AGAP9: variants seen among roughly 807,000 people sequenced by gnomAD.
The protein encoded by AGAP9 is arf-GAP with GTPase, ANK repeat and PH domain-containing protein 9.
AGAP9 carries 23 observed loss-of-function variants against 55.6 expected under a neutral mutation model. The observed-to-expected ratio is 0.41, with a 90% CI of 0.30 to 0.59. AGAP9 has a LOEUF of 0.59. AGAP9 is among the 20% of genes least tolerant of loss of function. The probability of loss-of-function intolerance (pLI) is 0.25; values close to 1 mark genes in which losing one functional copy is unlikely to be tolerated. For synonymous variants in AGAP9, 120 were observed against 305.0 expected, an observed-to-expected ratio of 0.39 and a Z score of 6.32; for missense variants, 309 against 808.1, an observed-to-expected ratio of 0.38 and a Z score of 7.49.
At position 47,523,291 on chromosome 10, in the gene AGAP9, A is replaced by G. The variant is rs1840887660; in HGVS notation, c.223+13T>C. 1 of 1,574,258 alleles carries G rather than the reference A, an allele frequency of 6.4e-7. No individual in the cohort carries two copies. Among genetic ancestry groups the G allele is most frequent in the African/African-American group, 1.4e-5 (1 of 71,076 alleles). ...GGCAAACCGAGGGTAGATGGCACCT[A>G]TCACCTCCTTACCTTCAGGCATCTC... On this transcript the variant is annotated intron_variant, in intron 1 of 7. Transcript: ENST00000452145.
chr10:47,503,937 C>CAAAAAAA (rs1186798630), intron 7 of AGAP9, among the ~76,000 whole-genome samples: 6 of 23,444 alleles, frequency 2.6e-4, no homozygotes, highest in Non-Finnish European at 2.7e-4. Context: ...GAGAGTCCAT[C>CAAAAAAA]AAAAAAAAAA....
At chr10:47,519,509 CCTCT>C (rs1398984286) in intron 3 of AGAP9, among the ~76,000 whole-genome samples, 1,491 of 116,090 alleles carry the variant, frequency 0.013, 33 homozygotes, top group Middle Eastern at 0.039. Context: ...TCCCCCTTCC[CCTCT>C]CTCTTTCACC....
rs1402363030 is a variant in AGAP9 at position 47,505,471 on chromosome 10, T to C, written c.534-1231A>G. Among the ~76,000 whole-genome samples, 2 of 138,410 alleles carry C rather than the reference T, an allele frequency of 1.4e-5. 1 individual carries two copies. Among genetic ancestry groups the C allele is most frequent in the Non-Finnish European group, 3.1e-5 (2 of 64,358 alleles). The allele number at this position is 138,410 out of a possible 152,430, so 90.8% of individuals were successfully genotyped here. A position where few individuals can be genotyped will look rare whatever the true frequency, so the allele number is the denominator to read the frequency against. On this transcript the variant is annotated intron_variant, in intron 6 of 7. Coordinates refer to ENST00000452145, the MANE Select transcript of AGAP9 (RefSeq NM_001190810.1). ...ACATGTCTCTAATATTCTGAATAAG[T>C]GGAAAGTTAATGAGAAGTGCTTTTT...
intron 2 of AGAP9, among the ~76,000 whole-genome samples, chr10:47,522,282 CTT>C (rs1449438081): frequency 6.9e-6 from 1 of 145,036 alleles, no homozygotes; most frequent in Non-Finnish European, 1.5e-5. Flanking sequence ...CCCCACCTCT[CTT>C]TTAGAACAAG....
Position 47,508,022 on chromosome 10 carries a change from G to A in AGAP9, c.498-439C>T, listed in dbSNP as rs1474775273. 2.3e-5 allele frequency among the ~76,000 whole-genome samples: 3 copies of A among 127,724 alleles called. No individual in the cohort carries two copies. In the Admixed American group the frequency reaches 2.5e-4, roughly 11 times the overall value. 83.8% of individuals were successfully genotyped at this position (127,724 alleles called of 152,430 possible). ...CGATTCTCACGCCTCAGCCTCCCAA[G>A]AAGCTGGGACTACAAGTTTGCGCCA... On this transcript the variant is annotated intron_variant, in intron 5 of 7. Coordinates refer to ENST00000452145, the MANE Select transcript of AGAP9 (RefSeq NM_001190810.1).
chr10:47,506,574 C>T (rs1261602658), intron 6 of AGAP9, among the ~76,000 whole-genome samples: 1 of 142,526 alleles, frequency 7.0e-6, no homozygotes, highest in African/African-American at 2.5e-5. Context: ...AAGTGATCCA[C>T]CCACCTTGGC....
chr10:47,521,299 A>C lies in AGAP9; in HGVS notation c.293-732T>G, dbSNP rs1376953916. Among the ~76,000 whole-genome samples the C allele has an allele frequency of 2.9e-5, 4 of 139,576 alleles. 1 individual carries two copies. Among genetic ancestry groups the C allele is most frequent in the Non-Finnish European group, 6.1e-5 (4 of 65,452 alleles). The allele number at this position is 139,576 out of a possible 152,430, so 91.6% of individuals were successfully genotyped here. Reference sequence around the variant, plus strand: ...CCATCAGGCTTTCCAAACATCACCAAGCAGAGTATAAGTTTATACAAGTAC... The same window carrying C: ...CCATCAGGCTTTCCAAACATCACCACGCAGAGTATAAGTTTATACAAGTAC... On this transcript the variant is annotated intron_variant, in intron 2 of 7. Transcript: ENST00000452145.
rs1233034365 is a variant in AGAP9, at chr10:47,520,838, TAAAAA to T, written c.293-276_293-272del. Among the ~76,000 whole-genome samples, 6 of 89,348 alleles carry T rather than the reference TAAAAA, an allele frequency of 6.7e-5. 1 individual carries two copies. Among genetic ancestry groups the T allele is most frequent in the East Asian group, 4.6e-4 (1 of 2,186 alleles). 58.6% of individuals were successfully genotyped at this position (89,348 alleles called of 152,430 possible). A position where few individuals can be genotyped will look rare whatever the true frequency, so the allele number is the denominator to read the frequency against. On this transcript the variant is annotated intron_variant, in intron 2 of 7. Coordinates refer to ENST00000452145, the MANE Select transcript of AGAP9 (RefSeq NM_001190810.1). ...TAACACAATGACACCCTCCTTTATTTAAAAAAAAAAAAAAAAAAAAAAAGAAGAAG... is the reference window on the plus strand; with the variant it reads ...TAACACAATGACACCCTCCTTTATTTAAAAAAAAAAAAAAAAAAGAAGAAG...
rs1370239470 is a variant in AGAP9 at position 47,502,586 on chromosome 10, G to A, written c.1543C>T (p.Arg515Cys). The change falls in exon 8 of 8, where the codon CGT (arginine) becomes TGT (cysteine). Residue 515 changes from arginine (R) to cysteine (C), a missense_variant. Physicochemically the swap from Arg to Cys is radical, Grantham distance 180 (BLOSUM62 -3). Transcript: ENST00000452145. ...IHRSFGTRLS[R>C]VRSLELDDWP... ...TCATCCAGCTCCAGAGATCGCACAC[G>A]GGAAAGGCGGGTGCCAAAACTGCGG... is the stretch of plus-strand genomic sequence containing the variant. 574 of 1,605,572 alleles carry A rather than the reference G, an allele frequency of 3.6e-4. 3 individuals are homozygous for A. Among genetic ancestry groups the A allele is most frequent in the Admixed American group, 1.2e-3 (72 of 59,164 alleles).
intron 4 of AGAP9, among the ~76,000 whole-genome samples, chr10:47,511,445 G>A (rs1840622215): frequency 7.6e-6 from 1 of 131,090 alleles, no homozygotes; most frequent in Non-Finnish European, 1.6e-5. Context: ...CAACAAGTGA[G>A]GAAGCCATAG....
chr10:47,515,508 G>A (rs1840700732), intron 4 of AGAP9, among the ~76,000 whole-genome samples: 1 of 40,346 alleles, frequency 2.5e-5, no homozygotes, highest in African/African-American at 1.0e-4. Flanking sequence ...AAAAAAAAAA[G>A]CCAGCAAGGT....
At chr10:47,506,269 A>C (rs1840473524) in intron 6 of AGAP9, among the ~76,000 whole-genome samples, 1 of 133,458 alleles carries the variant, frequency 7.5e-6, no homozygotes, top group Admixed American at 7.8e-5. Context: ...AACTGTCTGA[A>C]AACTTTAAAA....
At chr10:47,508,002 C>G (rs1403628088) in intron 5 of AGAP9, among the ~76,000 whole-genome samples, 1 of 121,560 alleles carries the variant, frequency 8.2e-6, no homozygotes, top group Non-Finnish European at 1.7e-5. Context: ...TCAAGCGATT[C>G]TCACGCCTCA....
intron 5 of AGAP9, 103 bp downstream of exon 5, chr10:47,510,068 G>A (rs2132482680): frequency 6.7e-7 from 1 of 1,489,320 alleles, no homozygotes; most frequent in South Asian, 1.2e-5. Flanking sequence ...TCAATATATG[G>A]TTGACTCCAA....
At chr10:47,513,365 C>G (rs1339483741) in intron 4 of AGAP9, among the ~76,000 whole-genome samples, 4 of 142,086 alleles carry the variant, frequency 2.8e-5, no homozygotes, top group African/African-American at 7.7e-5. Flanking sequence ...TTGGGAACTA[C>G]AAAACATTGC....
In AGAP9 at chr10:47,502,579, C is replaced by G; in HGVS notation, c.1550G>C (p.Arg517Pro). ...TGGCCAGTCATCCAGCTCCAGAGAT[C>G]GCACACGGGAAAGGCGGGTGCCAAA... ...RSFGTRLSRV[R>P]SLELDDWPVE... Residue 517 changes from arginine (R) to proline (P), a missense_variant, in exon 8 of 8, where the codon CGA (arginine) becomes CCA (proline). Coordinates refer to ENST00000452145, the MANE Select transcript of AGAP9 (RefSeq NM_001190810.1). 8 of 1,499,338 alleles carry G rather than the reference C, an allele frequency of 5.3e-6. No homozygotes were observed. The highest frequency in any genetic ancestry group is 1.2e-5 in the South Asian group (1 of 86,750). 92.9% of individuals were successfully genotyped at this position (1,499,338 alleles called of 1,614,324 possible).
chr10:47,504,846 C>CTT (rs59529030), intron 6 of AGAP9, among the ~76,000 whole-genome samples: 74 of 46,838 alleles, frequency 1.6e-3, no homozygotes, highest in East Asian at 2.2e-3. Context: ...CATAACTGTT[C>CTT]TTTTTTTTTT....
chr10:47,519,411 T>G (rs1345079020), intron 3 of AGAP9, among the ~76,000 whole-genome samples: 1 of 115,934 alleles, frequency 8.6e-6, no homozygotes, highest in Non-Finnish European at 1.7e-5. Flanking sequence ...GAGGTTGTAG[T>G]GAGCCAAGAT....
chr10:47,502,983 G>A lies in AGAP9; in HGVS notation c.1146C>T (p.Ser382=). ...GDSICFSPGI[S]STTSPKLNPP... is the part of the protein sequence containing the mutation. ...GGTTGAGCTTGGGGCTGGTGGTGCT[G>A]GAGATACCGGGGCTGAAGCATATGG... Residue 382 remains serine, a synonymous_variant, in exon 8 of 8, where the codon TCC becomes TCT. Transcript: ENST00000452145. The A allele has an allele frequency of 5.8e-6, 9 of 1,560,176 alleles. 1 individual carries two copies. The highest frequency in any genetic ancestry group is 1.8e-5 in the Admixed American group (1 of 56,614).
Sources: allele counts gnomAD v4.1 joint callset (sites outside exome capture counted in the v4.1 genomes callset), GRCh38; gene constraint gnomAD v4.1.1; transcripts MANE v1.5; gene names NCBI Gene and HGNC (gene_info 2026-07-23, HGNC 2026-07-21).